ADAMTS19: variants seen among roughly 807,000 people sequenced by gnomAD.
The protein encoded by ADAMTS19 is A disintegrin and metalloproteinase with thrombospondin motifs 19.
In ADAMTS19, 93 loss-of-function variants were observed where a neutral mutation model predicts 153.3. The observed-to-expected ratio is 0.61, with a 90% confidence interval of 0.51 to 0.72. The LOEUF (loss-of-function observed/expected upper bound fraction) is 0.72, where lower values mean the gene tolerates loss of function less well. Among genes scored for constraint, ADAMTS19 ranks in the 30% least tolerant of loss-of-function variants. The probability of loss-of-function intolerance (pLI) is 0.00; values close to 1 mark genes in which losing one functional copy is unlikely to be tolerated. For missense variants in ADAMTS19, 1,482 were observed against 1,552.1 expected, an observed-to-expected ratio of 0.95 and a Z score of 0.76; for synonymous variants, 600 against 556.6, an observed-to-expected ratio of 1.08 and a Z score of -1.10.
chr5:129,713,710 G>A (rs992920439), intron 21 of ADAMTS19, among the ~76,000 whole-genome samples: 5 of 151,332 alleles, frequency 3.3e-5, no homozygotes, highest in African/African-American at 9.7e-5. Context: ...GCATTGAGCC[G>A]AGATCGTGCC....
At chr5:129,633,129 C>G (rs577533044) in intron 10 of ADAMTS19, among the ~76,000 whole-genome samples, 1 of 152,138 alleles carries the variant, frequency 6.6e-6, no homozygotes, top group South Asian at 2.1e-4. Flanking sequence ...TTCAAGCTTA[C>G]TGAATTTTTA....
chr5:129,534,502 G>A (rs949345244), intron 6 of ADAMTS19, among the ~76,000 whole-genome samples: 12 of 152,202 alleles, frequency 7.9e-5, no homozygotes, highest in African/African-American at 2.9e-4. Context: ...GTACAAGGAG[G>A]AGCTGGTACC....
At chr5:129,650,115 G>A (rs1271942864) in intron 13 of ADAMTS19, among the ~76,000 whole-genome samples, 1 of 152,168 alleles carries the variant, frequency 6.6e-6, no homozygotes, top group African/African-American at 2.4e-5. Flanking sequence ...AGGTTACAGT[G>A]AGCCAAGATG....
chr5:129,526,245 A>G (rs1752003016), intron 3 of ADAMTS19, 39 bp from the exon 4 acceptor site: 5 of 1,505,552 alleles, frequency 3.3e-6, no homozygotes, highest in South Asian at 1.3e-5. Context: ...CACTTTGCCA[A>G]TATGAAGGTG....
intron 21 of ADAMTS19, among the ~76,000 whole-genome samples, chr5:129,717,330 G>C (rs532903687): frequency 2.2e-4 from 34 of 151,996 alleles, no homozygotes; most frequent in Non-Finnish European, 1.3e-4. Context: ...TTTTTGGGGG[G>C]TACACAGTAA....
intron 11 of ADAMTS19, among the ~76,000 whole-genome samples, chr5:129,643,367 CA>C (rs556007087): frequency 0.13 from 5,140 of 40,338 alleles, 58 homozygotes; most frequent in Non-Finnish European, 0.2. Flanking sequence ...GTTTCAAAGA[CA>C]AAAAAAAAAA....
chr5:129,501,161 G>A (rs948046386), intron 2 of ADAMTS19, among the ~76,000 whole-genome samples: 3 of 152,042 alleles, frequency 2.0e-5, no homozygotes, highest in African/African-American at 7.2e-5. Context: ...AATTCTGGTT[G>A]TATGATCAGA....
intron 21 of ADAMTS19, among the ~76,000 whole-genome samples, chr5:129,720,504 T>A (rs988468071): frequency 1.3e-5 from 2 of 152,154 alleles, no homozygotes; most frequent in Admixed American, 1.3e-4. Context: ...CTTTGAGAAG[T>A]ATTAATAAAT....
At chr5:129,588,443 A>T (rs1037852717) in intron 7 of ADAMTS19, among the ~76,000 whole-genome samples, 4 of 152,062 alleles carry the variant, frequency 2.6e-5, no homozygotes, top group Non-Finnish European at 5.9e-5. Context: ...TGTGTGTGTG[A>T]GAGAGAAAAT....
At chr5:129,542,668 A>G (rs1752697504) in intron 6 of ADAMTS19, among the ~76,000 whole-genome samples, 1 of 152,128 alleles carries the variant, frequency 6.6e-6, no homozygotes, top group Non-Finnish European at 1.5e-5. Flanking sequence ...TAAAATTTGG[A>G]TGTATCTTCC....
intron 20 of ADAMTS19, among the ~76,000 whole-genome samples, chr5:129,703,847 T>C (rs1756022623): frequency 6.6e-6 from 1 of 152,242 alleles, no homozygotes; most frequent in Non-Finnish European, 1.5e-5. Context: ...AAACATGTCT[T>C]CCATCTAAAT....
chr5:129,737,288 T>A lies in ADAMTS19; in HGVS notation c.*70T>A. On this transcript the variant is annotated 3_prime_UTR_variant, in exon 23 of 23. Coordinates refer to ENST00000274487, the MANE Select transcript of ADAMTS19 (RefSeq NM_133638.6). Reference sequence around the variant, plus strand: ...TTTATAAACACACACACTAGCATGTTTTTCAGACCAAATATTATCAGATTA... The same window carrying A: ...TTTATAAACACACACACTAGCATGTATTTCAGACCAAATATTATCAGATTA... 1 of 1,330,768 alleles carries A rather than the reference T, an allele frequency of 7.5e-7. No individual in the cohort carries two copies. Among genetic ancestry groups the A allele is most frequent in the Non-Finnish European group, 9.9e-7 (1 of 1,006,316 alleles). The allele number at this position is 1,330,768 out of a possible 1,614,324, so 82.4% of individuals were successfully genotyped here. A position where few individuals can be genotyped will look rare whatever the true frequency, so the allele number is the denominator to read the frequency against.
At chr5:129,512,669 G>T (rs1440538985) in intron 3 of ADAMTS19, among the ~76,000 whole-genome samples, 2 of 151,994 alleles carry the variant, frequency 1.3e-5, no homozygotes, top group African/African-American at 4.8e-5. Context: ...ACAGATTGGG[G>T]CCAACACAGC....
intron 14 of ADAMTS19, among the ~76,000 whole-genome samples, chr5:129,658,366 A>G (rs1302682936): frequency 6.7e-6 from 1 of 148,518 alleles, no homozygotes; most frequent in Non-Finnish European, 1.5e-5. Flanking sequence ...AGAAAGAAAG[A>G]AAGAGAGAGA....
In ADAMTS19 at chr5:129,737,228, G is replaced by T; in HGVS notation, c.*10G>T. The T allele has an allele frequency of 6.3e-7, 1 of 1,585,628 alleles. No homozygotes were observed. The highest frequency in any genetic ancestry group is 8.6e-7 in the Non-Finnish European group (1 of 1,160,988). The stretch of plus-strand genomic sequence containing the variant: ...GCAGCAGAAGAGTTGACCTCTAGCA[G>T]GCTGGCTGGATCACAGCTCTTGGCA... On this transcript the variant is annotated 3_prime_UTR_variant, in exon 23 of 23. Transcript: ENST00000274487.
intron 21 of ADAMTS19, among the ~76,000 whole-genome samples, chr5:129,708,688 A>T (rs1756291224): frequency 6.6e-6 from 1 of 151,612 alleles, no homozygotes; most frequent in Admixed American, 6.6e-5. Flanking sequence ...CCTTTCATGC[A>T]GTATTAACAA....
At chr5:129,642,751 T>C (rs1752851137) in intron 11 of ADAMTS19, among the ~76,000 whole-genome samples, 1 of 152,332 alleles carries the variant, frequency 6.6e-6, no homozygotes, top group Non-Finnish European at 1.5e-5. Flanking sequence ...AAAGAACCTA[T>C]AGATTTCTTA....
chr5:129,646,374 T>C (rs1753067875), intron 11 of ADAMTS19, among the ~76,000 whole-genome samples: 2 of 152,116 alleles, frequency 1.3e-5, no homozygotes, highest in Admixed American at 1.3e-4. Context: ...CTACAGAGAC[T>C]AATTATTTTA....
intron 10 of ADAMTS19, among the ~76,000 whole-genome samples, chr5:129,636,913 T>C (rs1423136696): frequency 1.3e-5 from 2 of 152,334 alleles, no homozygotes; most frequent in East Asian, 3.9e-4. Context: ...GAAGCAACTT[T>C]GGGGCAGATC....
Sources: gnomAD v4.1 joint callset for allele counts (sites outside exome capture counted in the v4.1 genomes callset) on GRCh38, gnomAD v4.1.1 for gene constraint, MANE v1.5 for transcripts, NCBI Gene and HGNC (gene_info 2026-07-23, HGNC 2026-07-21) for gene names.